MEGF8: variants seen among roughly 807,000 people sequenced by gnomAD.
The protein encoded by MEGF8 is multiple EGF like domains 8, also known as multiple epidermal growth factor-like domains protein 8.
In MEGF8, 156 loss-of-function variants were observed where a neutral mutation model predicts 302.9. The observed-to-expected ratio is 0.52, with a 90% CI of 0.45 to 0.59. The LOEUF (loss-of-function observed/expected upper bound fraction) is 0.59, where lower values mean the gene tolerates loss of function less well. MEGF8 is among the 20% of genes least tolerant of loss of function. The probability of loss-of-function intolerance (pLI) is 0.00; values close to 1 mark genes in which losing one functional copy is unlikely to be tolerated. For missense variants in MEGF8, 3,345 were observed against 3,964.5 expected (o/e 0.84, Z 4.20); for synonymous variants, 1,621 against 1,660.5 (o/e 0.98, Z 0.58).
chr19:42,344,799 T>G lies in MEGF8; in HGVS notation c.2063T>G (p.Phe688Cys). ...CTGCCTGGCCTGCACTTGCTCACCT[T>G]TCAGCAGCCGCCCAATACCTCCCAG... ...SFLPGLHLLTFQQPPNTSQPD... is the reference protein window; with the variant it reads ...SFLPGLHLLTCQQPPNTSQPD... Residue 688 changes from phenylalanine to cysteine, a missense_variant, in exon 12 of 42, where the codon TTT becomes TGT. Coordinates refer to ENST00000251268, the MANE Select transcript of MEGF8 (RefSeq NM_001271938.2). This position sits in a 1 kb window ranked among gnomAD's most constrained non-coding sequence, Gnocchi z 4.5. The G allele has an allele frequency of 6.2e-7, 1 of 1,604,226 alleles. No individual in the cohort carries two copies. Among genetic ancestry groups the G allele is most frequent in the Non-Finnish European group, 8.5e-7 (1 of 1,174,454 alleles).
chr19:42,336,355 C>T lies in MEGF8; in HGVS notation c.1244+9C>T, dbSNP rs768775668. The T allele has an allele frequency of 1.3e-6, 2 of 1,582,572 alleles. No homozygotes were observed. Among genetic ancestry groups the T allele is most frequent in the Non-Finnish European group, 1.7e-6 (2 of 1,165,998 alleles). On this transcript the variant is annotated intron_variant, in intron 6 of 41. Transcript: ENST00000251268. This position sits in a 1 kb window ranked among gnomAD's most constrained non-coding sequence, Gnocchi z 4.8. Reference sequence around the variant, plus strand: ...CGGCCCTCCACTGCCCGGTAAGTGACCTGTCCCATAACCCATGCTCCACAG... The same window carrying T: ...CGGCCCTCCACTGCCCGGTAAGTGATCTGTCCCATAACCCATGCTCCACAG...
Position 42,353,868 on chromosome 19 carries a change from G to GC in MEGF8, c.3856dup (p.Leu1286ProfsTer25). The GC allele has an allele frequency of 6.2e-7, 1 of 1,601,296 alleles. No homozygotes were observed. The highest frequency in any genetic ancestry group is 8.5e-7 in the Non-Finnish European group (1 of 1,174,274). The stretch of plus-strand genomic sequence containing the variant: ...TGGGCTCACGCCGGGTCGGGGGGCT[G>GC]CTGCCTCCAGGTGGCGGGGCTGCAA... On this transcript the variant is annotated frameshift_variant, in exon 22 of 42. Transcript: ENST00000251268. LOFTEE classifies it high-confidence loss of function. This position sits in a 1 kb window ranked among gnomAD's most constrained non-coding sequence, Gnocchi z 6.1.
At chr19:42,365,416 T>C (rs2147501479) in intron 35 of MEGF8, among the ~76,000 whole-genome samples, 1 of 151,954 alleles carries the variant, frequency 6.6e-6, no homozygotes, top group South Asian at 2.1e-4. Context: ...GTTGATGGTG[T>C]ATGTGAATGT....
Position 42,370,040 on chromosome 19 carries a change from G to A in MEGF8, c.6835-149G>A. The A allele has an allele frequency of 3.3e-6, 3 of 903,214 alleles. 1 individual carries two copies. Among genetic ancestry groups the A allele is most frequent in the South Asian group, 1.7e-5 (1 of 59,908 alleles). 55.9% of individuals were successfully genotyped at this position (903,214 alleles called of 1,614,324 possible). On this transcript the variant is annotated intron_variant, in intron 38 of 41. Coordinates refer to ENST00000251268, the MANE Select transcript of MEGF8 (RefSeq NM_001271938.2). ...GCTGCAGGTGTGCAAGGGAAGGCGGGGGCTAAATCCCGCTGGGATTGTCCA... is the reference window on the plus strand; with the variant it reads ...GCTGCAGGTGTGCAAGGGAAGGCGGAGGCTAAATCCCGCTGGGATTGTCCA...
At chr19:42,328,649 G>C (rs1033624780) in intron 1 of MEGF8, among the ~76,000 whole-genome samples, 2 of 151,050 alleles carry the variant, frequency 1.3e-5, no homozygotes, top group Non-Finnish European at 2.9e-5. Context: ...GTCCCAGACT[G>C]GTTAGGCCAG....
chr19:42,369,464 T>C lies in MEGF8; in HGVS notation c.6642-67T>C. On this transcript the variant is annotated intron_variant, in intron 37 of 41. Transcript: ENST00000251268. This position sits in a 1 kb window ranked among gnomAD's most constrained non-coding sequence, Gnocchi z 5.7. ...TTGAGAAGAGGGTGGGGTAGTTGGTTGGGTGCTAGGCCATGAAGCCACGAG... is the reference window on the plus strand; with the variant it reads ...TTGAGAAGAGGGTGGGGTAGTTGGTCGGGTGCTAGGCCATGAAGCCACGAG... 1 of 1,511,266 alleles carries C rather than the reference T, an allele frequency of 6.6e-7. No individual in the cohort carries two copies. Among genetic ancestry groups the C allele is most frequent in the Non-Finnish European group, 8.9e-7 (1 of 1,117,888 alleles). 93.6% of individuals were successfully genotyped at this position (1,511,266 alleles called of 1,614,324 possible).
intron 12 of MEGF8, among the ~76,000 whole-genome samples, chr19:42,345,602 A>G (rs913617161): frequency 6.6e-6 from 1 of 152,234 alleles, no homozygotes; most frequent in East Asian, 1.9e-4. Context: ...CATTCATTTT[A>G]TAACTTCATT....
rs551687173 is a variant in MEGF8 at position 42,352,453 on chromosome 19, G to T, written c.3347G>T (p.Arg1116Leu). Residue 1116 changes from arginine to leucine, a missense_variant, in exon 19 of 42, where the codon CGC (arginine) becomes CTC (leucine). Arg to Leu is a moderately radical substitution (Grantham distance 102). Transcript: ENST00000251268. The surrounding 1 kb of genome is among the most constrained non-coding windows in gnomAD (Gnocchi z 4.4). The part of the protein sequence containing the change: ...YQGDGISHCN[R>L]TCLEDCGHGV... ...GGTGATGGCATCTCACACTGCAACC[G>T]CACGTGAGTGAGGCGGGGGTTGCTA... 6.3e-7 allele frequency: 1 copy of T among 1,589,288 alleles called. No homozygotes were observed. Among genetic ancestry groups the T allele is most frequent in the South Asian group, 1.1e-5 (1 of 87,954 alleles).
At chr19:42,332,264 G>A (rs975032693) in intron 1 of MEGF8, among the ~76,000 whole-genome samples, 5 of 152,228 alleles carry the variant, frequency 3.3e-5, no homozygotes, top group African/African-American at 9.6e-5. Flanking sequence ...ATCCAGGAAG[G>A]TCCCTCCCAG....
chr19:42,344,133 C>G lies in MEGF8; in HGVS notation c.1788+60C>G. On this transcript the variant is annotated intron_variant, in intron 10 of 41. Transcript: ENST00000251268. This position sits in a 1 kb window ranked among gnomAD's most constrained non-coding sequence, Gnocchi z 4.5. ...ATAGAGACCTGCCCTCAGTGTCTCC[C>G]TCTGCCTAACCAGATGGACAAGAAC... 6.3e-7 allele frequency: 1 copy of G among 1,576,924 alleles called. No individual in the cohort carries two copies. The highest frequency in any genetic ancestry group is 8.6e-7 in the Non-Finnish European group (1 of 1,163,426).
chr19:42,359,446 A>G (rs1600061567), intron 31 of MEGF8, among the ~76,000 whole-genome samples: 1 of 151,950 alleles, frequency 6.6e-6, no homozygotes, highest in South Asian at 2.1e-4. Context: ...ACTCTGTAAA[A>G]GTAACAATGT....
chr19:42,368,392 T>G lies in MEGF8; in HGVS notation c.6274-63T>G, dbSNP rs1178277678. On this transcript the variant is annotated intron_variant, in intron 35 of 41. Coordinates refer to ENST00000251268, the MANE Select transcript of MEGF8 (RefSeq NM_001271938.2). The surrounding 1 kb of genome is among the most constrained non-coding windows in gnomAD (Gnocchi z 4.9). Reference sequence around the variant, plus strand: ...GTCTGGGAAGATACCCAGAATGTGTTTGTTTAAGCTTATTTCCCCATCTCT... The same window carrying G: ...GTCTGGGAAGATACCCAGAATGTGTGTGTTTAAGCTTATTTCCCCATCTCT... The G allele has an allele frequency of 2.2e-6, 3 of 1,388,462 alleles. No homozygotes were observed. The East Asian group carries it at 7.5e-5, about 35-fold the overall frequency. 86.0% of individuals were successfully genotyped at this position (1,388,462 alleles called of 1,614,324 possible).
chr19:42,358,401 C>T lies in MEGF8; in HGVS notation c.5175+94C>T. 1.4e-6 allele frequency: 2 copies of T among 1,410,178 alleles called. No individual in the cohort carries two copies. The highest frequency in any genetic ancestry group is 2.7e-5 in the South Asian group (2 of 72,790). 87.4% of individuals were successfully genotyped at this position (1,410,178 alleles called of 1,614,324 possible). A position where few individuals can be genotyped will look rare whatever the true frequency, so the allele number is the denominator to read the frequency against. Reference sequence around the variant, plus strand: ...CAGGGACTGGCTCCATCCCAGATTCCTGCTTCCCCTCCTTTCTATGTTCCC... The same window carrying T: ...CAGGGACTGGCTCCATCCCAGATTCTTGCTTCCCCTCCTTTCTATGTTCCC... On this transcript the variant is annotated intron_variant, in intron 29 of 41. Coordinates refer to ENST00000251268, the MANE Select transcript of MEGF8 (RefSeq NM_001271938.2). The surrounding 1 kb of genome is among the most constrained non-coding windows in gnomAD (Gnocchi z 4.4).
Position 42,376,605 on chromosome 19 carries a change from G to T in MEGF8, c.8368G>T (p.Gly2790Trp). 1 of 1,548,422 alleles carries T rather than the reference G, an allele frequency of 6.5e-7. No individual in the cohort carries two copies. Residue 2790 changes from glycine to tryptophan, a missense_variant, in exon 42 of 42, where the codon GGG becomes TGG. Gly to Trp is a radical substitution (Grantham distance 184). Coordinates refer to ENST00000251268, the MANE Select transcript of MEGF8 (RefSeq NM_001271938.2). This position sits in a 1 kb window ranked among gnomAD's most constrained non-coding sequence, Gnocchi z 8.2. Reference sequence around the variant, plus strand: ...CACACTGCTGCTCCAGCTGCCTGGCGGGCCCCATGCACCCAACGGCGCCTG... The same window carrying T: ...CACACTGCTGCTCCAGCTGCCTGGCTGGCCCCATGCACCCAACGGCGCCTG... ...VATLLLQLPGGPHAPNGACLG... is the reference protein window; with the variant it reads ...VATLLLQLPGWPHAPNGACLG...
Position 42,357,119 on chromosome 19 carries a change from A to G in MEGF8, c.4830+138A>G, listed in dbSNP as rs2039463817. The G allele has an allele frequency of 3.0e-6, 3 of 991,576 alleles. No individual in the cohort carries two copies. The highest frequency in any genetic ancestry group is 2.9e-6 in the Non-Finnish European group (2 of 686,460). 61.4% of individuals were successfully genotyped at this position (991,576 alleles called of 1,614,324 possible). On this transcript the variant is annotated intron_variant, in intron 27 of 41. Coordinates refer to ENST00000251268, the MANE Select transcript of MEGF8 (RefSeq NM_001271938.2). This position sits in a 1 kb window ranked among gnomAD's most constrained non-coding sequence, Gnocchi z 5.2. ...AATTTCCTCGGCCATCCTGGGTCAC[A>G]CTGTTGTCCTGAGCCAGTCCTGGGC... is the stretch of plus-strand genomic sequence containing the variant.
intron 8 of MEGF8, among the ~76,000 whole-genome samples, chr19:42,338,494 G>A (rs1181613449): frequency 6.6e-6 from 1 of 152,052 alleles, no homozygotes; most frequent in Non-Finnish European, 1.5e-5. Flanking sequence ...CGCCCACCTC[G>A]GCCTCCCAAA....
intron 3 of MEGF8, 101 bp downstream of exon 3, chr19:42,334,314 C>A: frequency 9.4e-7 from 1 of 1,066,396 alleles, no homozygotes. Context: ...ATGAAACTCC[C>A]CCCACCACCC....
In MEGF8 at chr19:42,325,859, C is replaced by T; in HGVS notation, c.-385C>T. On this transcript the variant is annotated 5_prime_UTR_variant, in exon 1 of 42. Transcript: ENST00000251268. ...TCCTGCCGGGCCGTAGAGCCCTTCG[C>T]CCCCTGGGGACCCACCCGTCTATAA... is the stretch of plus-strand genomic sequence containing the variant. 1 of 183,652 alleles carries T rather than the reference C, an allele frequency of 5.4e-6. No individual in the cohort carries two copies. The highest frequency in any genetic ancestry group is 1.1e-5 in the Non-Finnish European group (1 of 89,380). 11.4% of individuals were successfully genotyped at this position (183,652 alleles called of 1,614,324 possible). A position where few individuals can be genotyped will look rare whatever the true frequency, so the allele number is the denominator to read the frequency against.
rs759123523 is a variant in MEGF8 at position 42,371,383 on chromosome 19, C to T, written c.7170C>T (p.Asn2390=). 16 of 1,613,968 alleles carry T rather than the reference C, an allele frequency of 9.9e-6. No individual in the cohort carries two copies. Among genetic ancestry groups the T allele is most frequent in the Non-Finnish European group, 1.3e-5 (15 of 1,179,880 alleles). ...GTAATGGCCACGCGGACACATGTAA[C>T]GAGCAGGATGGGACGGGCTGTCCAT... is the stretch of plus-strand genomic sequence containing the variant. The part of the protein sequence containing the change: ...CQCNGHADTC[N]EQDGTGCPCQ... Residue 2390 remains asparagine, a synonymous_variant, in exon 41 of 42, where the codon AAC becomes AAT. Coordinates refer to ENST00000251268, the MANE Select transcript of MEGF8 (RefSeq NM_001271938.2).
Sources: allele counts gnomAD v4.1 joint callset (sites outside exome capture counted in the v4.1 genomes callset), GRCh38; gene constraint gnomAD v4.1.1; non-coding constraint Gnocchi (gnomAD v3.1); transcripts MANE v1.5; gene names NCBI Gene and HGNC (gene_info 2026-07-23, HGNC 2026-07-21).